The following SLC16A12 variants were observed in gnomAD, a reference collection of about 807,000 sequenced individuals.
SLC16A12 encodes the protein monocarboxylate transporter 12.
In SLC16A12, 17 loss-of-function variants were observed where a neutral mutation model predicts 42.4. The observed-to-expected ratio is 0.40, with a 90% confidence interval of 0.27 to 0.60. The LOEUF (loss-of-function observed/expected upper bound fraction) is 0.60. Among genes scored for constraint, SLC16A12 ranks in the 20% least tolerant of loss-of-function variants. The pLI, the probability that SLC16A12 is intolerant of heterozygous loss-of-function variation, is 0.42. For synonymous variants in SLC16A12, 224 were observed against 229.4 expected (o/e 0.98, Z 0.21); for missense variants, 544 against 623.0 (o/e 0.87, Z 1.35).
chr10:89,538,959 C>CATTAGATAT (rs1843696336), upstream of SLC16A12, among the ~76,000 whole-genome samples: 1 of 152,226 alleles, frequency 6.6e-6, no homozygotes, highest in East Asian at 1.9e-4. Context: ...TCCTCATCCT[C>CATTAGATAT]CACTGTCCTC....
chr10:89,493,696 C>T (rs772360231), intron 2 of SLC16A12, among the ~76,000 whole-genome samples: 2 of 152,172 alleles, frequency 1.3e-5, no homozygotes, highest in Admixed American at 6.5e-5. Context: ...CTTCCTTCCT[C>T]GGATTGGCTC....
intron 2 of SLC16A12, among the ~76,000 whole-genome samples, chr10:89,509,727 G>C (rs770465345): frequency 1.3e-5 from 2 of 152,114 alleles, no homozygotes; most frequent in Non-Finnish European, 2.9e-5. Context: ...CATAGTATTG[G>C]AAGTTCTGCC....
chr10:89,499,703 G>A (rs1386272134), intron 2 of SLC16A12, among the ~76,000 whole-genome samples: 1 of 151,980 alleles, frequency 6.6e-6, no homozygotes, highest in Non-Finnish European at 1.5e-5. Flanking sequence ...AAGTCTAAAA[G>A]AGCACAAACA....
intron 2 of SLC16A12, among the ~76,000 whole-genome samples, chr10:89,487,964 G>GTGTATATA (rs1248310697): frequency 9.7e-4 from 123 of 126,676 alleles, no homozygotes; most frequent in African/African-American, 3.1e-3. Flanking sequence ...TGGTGTGTGT[G>GTGTATATA]TATATATATA....
At chr10:89,436,835 TAAGGAGA>T (rs1373052542) in intron 6 of SLC16A12, among the ~76,000 whole-genome samples, 1 of 53,480 alleles carries the variant, frequency 1.9e-5, no homozygotes, top group African/African-American at 6.6e-5. Flanking sequence ...AGGAAGGAAA[TAAGGAGA>T]AAGAAAGAAA....
At chr10:89,488,050 T>C (rs1439971968) in intron 2 of SLC16A12, among the ~76,000 whole-genome samples, 1 of 147,562 alleles carries the variant, frequency 6.8e-6, no homozygotes, top group Non-Finnish European at 1.5e-5. Flanking sequence ...TATGTGTATG[T>C]ATAATACATA....
chr10:89,470,527 G>A (rs1406782974), intron 2 of SLC16A12, among the ~76,000 whole-genome samples: 1 of 152,194 alleles, frequency 6.6e-6, no homozygotes. Flanking sequence ...AAGTGATGGG[G>A]GGATTCCCCC....
intron 2 of SLC16A12, among the ~76,000 whole-genome samples, chr10:89,506,318 G>A (rs1348397503): frequency 2.0e-5 from 3 of 152,154 alleles, no homozygotes; most frequent in African/African-American, 7.2e-5. Flanking sequence ...ACCTCATACA[G>A]GAGAGCTCTG....
intron 2 of SLC16A12, among the ~76,000 whole-genome samples, chr10:89,498,022 A>G (rs1842946258): frequency 6.6e-6 from 1 of 152,208 alleles, no homozygotes; most frequent in African/African-American, 2.4e-5. Flanking sequence ...AAATAAAGAT[A>G]GTAGGGGCCA....
intron 3 of SLC16A12, among the ~76,000 whole-genome samples, chr10:89,453,968 T>TTCTC (rs35296744): frequency 6.2e-4 from 94 of 150,986 alleles, no homozygotes; most frequent in African/African-American, 2.1e-3. Flanking sequence ...GTTCTACTTA[T>TTCTC]TCTCTCTCTC....
chr10:89,514,810 C>T (rs1174687548), intron 2 of SLC16A12, among the ~76,000 whole-genome samples: 1 of 152,094 alleles, frequency 6.6e-6, no homozygotes, highest in African/African-American at 2.4e-5. Context: ...GGGCCGGGTG[C>T]GCGGGTGCAG....
intron 2 of SLC16A12, among the ~76,000 whole-genome samples, chr10:89,484,981 G>A (rs1842724580): frequency 6.6e-6 from 1 of 152,188 alleles, no homozygotes; most frequent in Non-Finnish European, 1.5e-5. Context: ...CAAATTCTGA[G>A]ATTCTATGTC....
intron 2 of SLC16A12, among the ~76,000 whole-genome samples, chr10:89,473,191 C>T (rs1432190642): frequency 6.6e-6 from 1 of 151,530 alleles, no homozygotes; most frequent in Admixed American, 6.6e-5. Context: ...CTGCAAATGA[C>T]CTAGAAAAGC....
intron 2 of SLC16A12, among the ~76,000 whole-genome samples, chr10:89,554,075 A>AAGGAAGGAAGGAAGGAAGGAAG (rs1843789379): frequency 2.7e-5 from 2 of 74,858 alleles, no homozygotes; most frequent in Admixed American, 1.2e-4. Context: ...AAAGAAAGAA[A>AAGGAAGGAAGGAAGGAAGGAAG]GAAAGAAAGA....
intron 3 of SLC16A12, among the ~76,000 whole-genome samples, chr10:89,450,256 C>T (rs1247298714): frequency 6.6e-6 from 1 of 152,218 alleles, no homozygotes; most frequent in Non-Finnish European, 1.5e-5. Flanking sequence ...GATCCTGTTA[C>T]TGGGTATATA....
Position 89,530,457 on chromosome 10 carries a change from G to A in SLC16A12, c.-47+4044C>T, listed in dbSNP as rs551548516. ...TTCTGAGACGGAGTCTCGCTCTGTT[G>A]CCCAGGCTGGAGTGCAGTGGCGGGA... On this transcript the variant is annotated intron_variant, in intron 2 of 7. Coordinates refer to ENST00000371790, the MANE Select transcript of SLC16A12 (RefSeq NM_213606.4). Among the ~76,000 whole-genome samples, 722 of 149,200 alleles carry A rather than the reference G, an allele frequency of 4.8e-3. 3 individuals carry two copies. The highest frequency in any genetic ancestry group is 0.016 in the African/African-American group (667 of 40,500).
intron 2 of SLC16A12, among the ~76,000 whole-genome samples, chr10:89,505,276 C>T (rs914193860): frequency 4.6e-5 from 7 of 151,784 alleles, no homozygotes; most frequent in Non-Finnish European, 8.8e-5. Flanking sequence ...ATTAGCCTGG[C>T]GTGGTGGCAA....
chr10:89,536,260 C>G (rs1843660127), upstream of SLC16A12, among the ~76,000 whole-genome samples: 1 of 152,162 alleles, frequency 6.6e-6, no homozygotes, highest in Non-Finnish European at 1.5e-5. Context: ...TGGCAGGGAT[C>G]CGGACCCTGC....
chr10:89,509,945 T>C (rs1156665460), intron 2 of SLC16A12, among the ~76,000 whole-genome samples: 2 of 151,930 alleles, frequency 1.3e-5, no homozygotes, highest in African/African-American at 4.8e-5. Context: ...TATACACCGA[T>C]AACAGACAGA....
Sources: gnomAD v4.1 joint callset for allele counts (sites outside exome capture counted in the v4.1 genomes callset) on GRCh38, gnomAD v4.1.1 for gene constraint, MANE v1.5 for transcripts, NCBI Gene and HGNC (gene_info 2026-07-23, HGNC 2026-07-21) for gene names.